Variants in APOLD1 observed in about 807,000 individuals in gnomAD.
APOLD1 encodes apolipoprotein L domain-containing protein 1.
In APOLD1, 22 loss-of-function variants were observed where a neutral mutation model predicts 15.3. That is an observed-to-expected ratio of 1.44 (90% CI 1.03 to 2.05). The LOEUF is 2.05. Ranked by LOEUF, APOLD1 falls within the 30% of genes most tolerant of loss-of-function variation. APOLD1 has a pLI of 0.00. For synonymous variants in APOLD1, 190 were observed against 167.4 expected (o/e 1.13, Z -1.04); for missense variants, 394 against 353.5 (o/e 1.11, Z -0.92).
intron 1 of APOLD1, among the ~76,000 whole-genome samples, chr12:12,762,362 A>ATT (rs1261209525): frequency 6.6e-6 from 1 of 151,786 alleles, no homozygotes; most frequent in African/African-American, 2.4e-5. Context: ...TTTATTTTTT[A>ATT]TTTTTTTCCG....
rs7301360 is a variant in APOLD1, at chr12:12,789,599, C to A, written c.*1947C>A. On this transcript the variant is annotated 3_prime_UTR_variant, in exon 2 of 2. Coordinates refer to ENST00000356591, the MANE Select transcript of APOLD1 (RefSeq NM_030817.3). Reference sequence around the variant, plus strand: ...ATGTCTTCTGGGTGACAGACAAAATCGCTTGTCTTATGGTGGTGATGTGTT... The same window carrying A: ...ATGTCTTCTGGGTGACAGACAAAATAGCTTGTCTTATGGTGGTGATGTGTT... 0.83 allele frequency: 125,960 copies of A among 152,230 alleles called. 52,198 individuals are homozygous for A. The highest frequency in any genetic ancestry group is 0.88 in the Middle Eastern group (258 of 294). The allele number at this position is 152,230 out of a possible 1,614,324, so 9.4% of individuals were successfully genotyped here.
chr12:12,735,365 A>G lies in APOLD1; in HGVS notation c.96+9269A>G, dbSNP rs373233516. On this transcript the variant is annotated intron_variant, in intron 1 of 1. Coordinates refer to the APOLD1 transcript ENST00000326765. ...CCTGACCTAGAGCGAGGGTTAGAGA[A>G]TCCCTCCTAAAGAAATGACTTTCAA... 3.5e-4 allele frequency among the ~76,000 whole-genome samples: 53 copies of G among 152,266 alleles called. No individual in the cohort carries two copies. The South Asian group carries it at 9.9e-3, about 29-fold the overall frequency.
intron 1 of APOLD1, among the ~76,000 whole-genome samples, chr12:12,735,512 T>A (rs553799737): frequency 6.6e-6 from 1 of 152,210 alleles, no homozygotes; most frequent in African/African-American, 2.4e-5. Flanking sequence ...AATGTGCTTG[T>A]GGCTGGGGGG....
intron 1 of APOLD1, among the ~76,000 whole-genome samples, chr12:12,772,205 A>G (rs1946993484): frequency 6.6e-6 from 1 of 152,252 alleles, no homozygotes; most frequent in South Asian, 2.1e-4. Context: ...AGAGATTGTC[A>G]GACTGGATCA....
At chr12:12,745,967 C>T (rs1250788619) in intron 1 of APOLD1, among the ~76,000 whole-genome samples, 1 of 152,102 alleles carries the variant, frequency 6.6e-6, no homozygotes, top group Non-Finnish European at 1.5e-5. Flanking sequence ...CCTCCTGTCT[C>T]CATTTTTTGT....
intron 1 of APOLD1, among the ~76,000 whole-genome samples, chr12:12,747,677 T>C (rs995978868): frequency 1.3e-5 from 2 of 152,230 alleles, no homozygotes; most frequent in African/African-American, 4.8e-5. Flanking sequence ...TTATCTTATT[T>C]CTTAGTTGGC....
At chr12:12,755,820 A>T (rs1189075530) in intron 1 of APOLD1, among the ~76,000 whole-genome samples, 3 of 152,356 alleles carry the variant, frequency 2.0e-5, no homozygotes, top group Non-Finnish European at 2.9e-5. Flanking sequence ...TAACCAGGGC[A>T]AAAGAGTGAG....
chr12:12,761,859 A>AGAGAGAGAGAGAGAGAGT, intron 1 of APOLD1, among the ~76,000 whole-genome samples: 1 of 146,488 alleles, frequency 6.8e-6, no homozygotes, highest in Admixed American at 6.7e-5. Context: ...AGAGAGAGAG[A>AGAGAGAGAGAGAGAGAGT]GAGTCTTGCT....
At chr12:12,776,072 A>C (rs1057068656) in intron 1 of APOLD1, among the ~76,000 whole-genome samples, 5 of 151,984 alleles carry the variant, frequency 3.3e-5, no homozygotes, top group Admixed American at 6.6e-5. Flanking sequence ...AATAAGGAGA[A>C]TAATAATGAC....
intron 1 of APOLD1, among the ~76,000 whole-genome samples, chr12:12,777,889 GTTTTTTTTTTTTTTTTTTTTTTTTTTT>G (rs71436735): frequency 2.6e-5 from 3 of 117,064 alleles, no homozygotes; most frequent in African/African-American, 7.5e-5. Flanking sequence ...AAGGAAAGGT[GTTTTTTTTTTTTTTTTTTTTTTTTTTT>G]TTTTTTTTTG....
chr12:12,734,046 T>C (rs999655613), intron 1 of APOLD1, among the ~76,000 whole-genome samples: 2 of 152,206 alleles, frequency 1.3e-5, no homozygotes, highest in African/African-American at 2.4e-5. Context: ...CATTTTTCTA[T>C]CTAACTTCAG....
At chr12:12,777,889 G>GTTTTTTTTTTTTTTTTTTTTTTTTTT (rs71436735) in intron 1 of APOLD1, among the ~76,000 whole-genome samples, 7 of 117,058 alleles carry the variant, frequency 6.0e-5, no homozygotes, top group Non-Finnish European at 6.9e-5. Context: ...AAGGAAAGGT[G>GTTTTTTTTTTTTTTTTTTTTTTTTTT]TTTTTTTTTT....
intron 1 of APOLD1, among the ~76,000 whole-genome samples, chr12:12,738,222 T>TTA (rs58079912): frequency 6.7e-6 from 1 of 150,262 alleles, no homozygotes; most frequent in Non-Finnish European, 1.5e-5. Flanking sequence ...TTTTTTTTTT[T>TTA]AAGACACATG....
Position 12,787,483 on chromosome 12 carries a change from C to A in APOLD1, c.578C>A (p.Ala193Asp). 1 of 1,614,172 alleles carries A rather than the reference C, an allele frequency of 6.2e-7. No individual in the cohort carries two copies. The highest frequency in any genetic ancestry group is 8.5e-7 in the Non-Finnish European group (1 of 1,180,048). Residue 193 changes from alanine to aspartate, a missense_variant, in exon 2 of 2, where the codon GCC (alanine) becomes GAC (aspartate). Coordinates refer to ENST00000356591, the MANE Select transcript of APOLD1 (RefSeq NM_030817.3). The surrounding 1 kb of genome is among the most constrained non-coding windows in gnomAD (Gnocchi z 4.9). Reference sequence around the variant, plus strand: ...GAGGGGGACACCAAGGTTAGCCAGGCCGTGCTGAAGGCCAAGATTCAGAAA... The same window carrying A: ...GAGGGGGACACCAAGGTTAGCCAGGACGTGCTGAAGGCCAAGATTCAGAAA... ...RAEGDTKVSQ[A>D]VLKAKIQKLA...
At chr12:12,758,714 A>G (rs1456001349) in intron 1 of APOLD1, among the ~76,000 whole-genome samples, 1 of 152,186 alleles carries the variant, frequency 6.6e-6, no homozygotes, top group African/African-American at 2.4e-5. Flanking sequence ...TAACTTTTGC[A>G]GTTTGAGATG....
chr12:12,731,058 G>C, intron 1 of APOLD1, among the ~76,000 whole-genome samples: 1 of 151,950 alleles, frequency 6.6e-6, no homozygotes, highest in East Asian at 1.9e-4. Context: ...GGAGAATGGC[G>C]TGAACCCGGG....
Position 12,789,497 on chromosome 12 carries a change from A to T in APOLD1, c.*1845A>T, listed in dbSNP as rs1236641915. The stretch of plus-strand genomic sequence containing the variant: ...CTTGACCTGGAAAAGGAATCTATTT[A>T]GTTCAGGAAAGATAAAAAGTTTAGA... On this transcript the variant is annotated 3_prime_UTR_variant, in exon 2 of 2. Coordinates refer to ENST00000356591, the MANE Select transcript of APOLD1 (RefSeq NM_030817.3). 2.6e-5 allele frequency: 4 copies of T among 152,236 alleles called. No individual in the cohort carries two copies. Among genetic ancestry groups the T allele is most frequent in the Admixed American group, 2.6e-4 (4 of 15,286 alleles). 9.4% of individuals were successfully genotyped at this position (152,236 alleles called of 1,614,324 possible). A position where few individuals can be genotyped will look rare whatever the true frequency, so the allele number is the denominator to read the frequency against.
intron 1 of APOLD1, among the ~76,000 whole-genome samples, chr12:12,755,731 C>T (rs907074861): frequency 6.6e-6 from 1 of 152,220 alleles, no homozygotes; most frequent in Admixed American, 6.5e-5. Context: ...GTCTCAGCTA[C>T]TCCAGAGGCT....
intron 1 of APOLD1, among the ~76,000 whole-genome samples, chr12:12,743,977 A>G (rs1325010149): frequency 1.3e-5 from 2 of 152,116 alleles, no homozygotes; most frequent in Non-Finnish European, 2.9e-5. Flanking sequence ...CTTTTAGCCC[A>G]GTGAGACCCA....
Sources: gnomAD v4.1 joint callset for allele counts (sites outside exome capture counted in the v4.1 genomes callset) on GRCh38, gnomAD v4.1.1 for gene constraint, Gnocchi (gnomAD v3.1) non-coding constraint, MANE v1.5 for transcripts, NCBI Gene and HGNC (gene_info 2026-07-23, HGNC 2026-07-21) for gene names.